ASZ1: variants seen among roughly 807,000 people sequenced by gnomAD.
ASZ1 encodes ankyrin repeat, SAM and basic leucine zipper domain containing 1.
A neutral mutation model predicts 61.8 loss-of-function variants in ASZ1; 67 were observed. The observed-to-expected ratio is 1.08, with a 90% CI of 0.89 to 1.33. The LOEUF (loss-of-function observed/expected upper bound fraction) is 1.33. Among genes scored for constraint, ASZ1 ranks in the 40% most tolerant of loss-of-function variants. The pLI, the probability that ASZ1 is intolerant of heterozygous loss-of-function variation, is 0.00. For missense variants in ASZ1, 577 were observed against 554.5 expected, an observed-to-expected ratio of 1.04 and a Z score of -0.41; for synonymous variants, 193 against 192.7, an observed-to-expected ratio of 1.00 and a Z score of -0.01.
chr7:117,407,964 C>A (rs974921155), intron 4 of ASZ1, among the ~76,000 whole-genome samples: 1 of 152,252 alleles, frequency 6.6e-6, no homozygotes, highest in African/African-American at 2.4e-5. Context: ...TAATTTACCT[C>A]CCAGGTGGGA....
In ASZ1 at chr7:117,401,400, A is replaced by G. The variant is rs527909911; in HGVS notation, c.441-15591T>C. On this transcript the variant is annotated intron_variant, in intron 4 of 12. Coordinates refer to ENST00000284629, the MANE Select transcript of ASZ1 (RefSeq NM_130768.3). ...AAAGCTGTTTTTTTTTTTTTAAAAA[A>G]AAAGACCAACAGAAAATATTAAAAA... 2.6e-5 allele frequency among the ~76,000 whole-genome samples: 4 copies of G among 151,904 alleles called. No homozygotes were observed. The South Asian group carries it at 6.3e-4, about 24-fold the overall frequency.
intron 4 of ASZ1, among the ~76,000 whole-genome samples, chr7:117,408,137 C>T (rs1457413492): frequency 1.3e-5 from 2 of 152,140 alleles, no homozygotes; most frequent in African/African-American, 4.8e-5. Flanking sequence ...TCTCTCTCCT[C>T]TCTCTGTGGA....
chr7:117,427,289 G>C, intron 1 of ASZ1, 67 bp downstream of exon 1: 1 of 1,524,582 alleles, frequency 6.6e-7, no homozygotes, highest in East Asian at 2.3e-5. Context: ...CACGAGGCTG[G>C]GCCTCGCCTT....
chr7:117,367,617 TA>T, intron 11 of ASZ1, 152 bp from the exon 12 acceptor site: 2 of 1,144,154 alleles, frequency 1.7e-6, no homozygotes, highest in Non-Finnish European at 2.2e-6. Context: ...CAAAAATAAG[TA>T]ATTTTATAAA....
chr7:117,400,461 A>AAAAT (rs1489825430), intron 4 of ASZ1, among the ~76,000 whole-genome samples: 1 of 152,188 alleles, frequency 6.6e-6, no homozygotes, highest in Non-Finnish European at 1.5e-5. Context: ...GCTTTTAGAC[A>AAAAT]TTTGCCAATT....
At chr7:117,365,967 A>G (rs6972328) in intron 12 of ASZ1, among the ~76,000 whole-genome samples, 3,223 of 152,358 alleles carry the variant, frequency 0.021, 115 homozygotes, top group African/African-American at 0.074. Context: ...TTCTCACTTT[A>G]AAAGACTCCT....
chr7:117,418,698 A>G (rs1797044340), intron 4 of ASZ1, among the ~76,000 whole-genome samples: 1 of 150,218 alleles, frequency 6.7e-6, no homozygotes, highest in Non-Finnish European at 1.5e-5. Flanking sequence ...ATGGTGGCTT[A>G]CACTTTTAAT....
At chr7:117,398,396 A>T (rs76634041) in intron 4 of ASZ1, among the ~76,000 whole-genome samples, 3,470 of 152,302 alleles carry the variant, frequency 0.023, 130 homozygotes, top group African/African-American at 0.079. Flanking sequence ...ATGTTCACTG[A>T]AGTATTTTTT....
At chr7:117,368,272 A>G in intron 11 of ASZ1, 1 of 981,988 alleles carries the variant, frequency 1.0e-6, no homozygotes, top group Non-Finnish European at 1.2e-6. Context: ...TATTTTATTG[A>G]TATGGTTTTT....
At chr7:117,394,109 G>T (rs1464474948) in intron 4 of ASZ1, among the ~76,000 whole-genome samples, 1 of 150,552 alleles carries the variant, frequency 6.6e-6, no homozygotes, top group Middle Eastern at 3.2e-3. Flanking sequence ...CCCCACCCTG[G>T]CCCCCCTTTT....
chr7:117,385,746 A>T lies in ASZ1; in HGVS notation c.504T>A (p.Leu168=). The T allele has an allele frequency of 6.2e-7, 1 of 1,613,642 alleles. No homozygotes were observed. The highest frequency in any genetic ancestry group is 8.5e-7 in the Non-Finnish European group (1 of 1,179,674). Residue 168 remains leucine, a synonymous_variant, in exon 5 of 13, where the codon CTT becomes CTA. Coordinates refer to ENST00000284629, the MANE Select transcript of ASZ1 (RefSeq NM_130768.3). ...RDGHTQVVAL[L]VAHGAEVNTQ... The stretch of plus-strand genomic sequence containing the variant: ...TATTAACTTCTGCTCCATGAGCAAC[A>T]AGGAGAGCAACAACCTGGGTGTGAC...
intron 4 of ASZ1, 65 bp from the exon 5 acceptor site, chr7:117,385,874 T>C: frequency 7.6e-7 from 1 of 1,318,522 alleles, no homozygotes; most frequent in Non-Finnish European, 1.1e-6. Flanking sequence ...TTTTCATTAA[T>C]TTAACCATAC....
intron 4 of ASZ1, among the ~76,000 whole-genome samples, chr7:117,406,090 G>C (rs554767674): frequency 6.6e-6 from 1 of 152,288 alleles, no homozygotes; most frequent in African/African-American, 2.4e-5. Flanking sequence ...GTCATTATCA[G>C]AGTATGCTTG....
At chr7:117,368,811 A>T in intron 10 of ASZ1, 94 bp from the exon 11 acceptor site, 1 of 1,568,642 alleles carries the variant, frequency 6.4e-7, no homozygotes, top group Non-Finnish European at 8.6e-7. Context: ...TAGTCATAAA[A>T]TTAGATTCTT....
intron 10 of ASZ1, among the ~76,000 whole-genome samples, chr7:117,371,135 C>A (rs1796043678): frequency 6.6e-6 from 1 of 152,042 alleles, no homozygotes; most frequent in African/African-American, 2.4e-5. Flanking sequence ...CCAAAGGATA[C>A]TTCTAAGCCC....
chr7:117,398,144 A>G (rs1796610722), intron 4 of ASZ1, among the ~76,000 whole-genome samples: 1 of 152,182 alleles, frequency 6.6e-6, no homozygotes, highest in African/African-American at 2.4e-5. Context: ...AATCTGCTTA[A>G]AACACTCCTA....
intron 4 of ASZ1, among the ~76,000 whole-genome samples, chr7:117,388,036 A>T (rs1415416795): frequency 1.3e-5 from 2 of 152,238 alleles, no homozygotes; most frequent in African/African-American, 4.8e-5. Flanking sequence ...ATTTATGCCA[A>T]TAAATTAGAC....
intron 10 of ASZ1, among the ~76,000 whole-genome samples, chr7:117,373,000 AACAGGGG>A (rs1175771981): frequency 6.6e-6 from 1 of 152,162 alleles, no homozygotes; most frequent in Admixed American, 6.6e-5. Context: ...GTTTATAAAT[AACAGGGG>A]TGAACAATAC....
At chr7:117,420,839 C>CA (rs1373610382) in intron 3 of ASZ1, among the ~76,000 whole-genome samples, 1 of 152,090 alleles carries the variant, frequency 6.6e-6, no homozygotes, top group Non-Finnish European at 1.5e-5. Flanking sequence ...AAATTAAACA[C>CA]AAAAAACACC....
Sources: gnomAD v4.1 joint callset for allele counts (sites outside exome capture counted in the v4.1 genomes callset) on GRCh38, gnomAD v4.1.1 for gene constraint, MANE v1.5 for transcripts, NCBI Gene and HGNC (gene_info 2026-07-23, HGNC 2026-07-21) for gene names.